Variants in ZDHHC17 observed in about 807,000 individuals in gnomAD.
ZDHHC17 encodes the protein palmitoyltransferase ZDHHC17.
In ZDHHC17, 40 loss-of-function variants were observed where a neutral mutation model predicts 90.3. That is an observed-to-expected ratio of 0.44 (90% CI 0.34 to 0.58). The LOEUF is 0.58. Among genes scored for constraint, ZDHHC17 ranks in the 20% least tolerant of loss-of-function variants. The pLI, the probability that ZDHHC17 is intolerant of heterozygous loss-of-function variation, is 0.01. For synonymous variants in ZDHHC17, 235 were observed against 252.4 expected (o/e 0.93, Z 0.65); for missense variants, 614 against 780.8 (o/e 0.79, Z 2.55).
chr12:76,786,443 A>G (rs2137730455), intron 1 of ZDHHC17, among the ~76,000 whole-genome samples: 1 of 152,184 alleles, frequency 6.6e-6, no homozygotes, highest in East Asian at 1.9e-4. Context: ...TTTAGTAGAG[A>G]TGGGGTTTTA....
intron 2 of ZDHHC17, among the ~76,000 whole-genome samples, chr12:76,798,454 T>TA (rs1016089174): frequency 1.3e-5 from 2 of 152,040 alleles, no homozygotes; most frequent in African/African-American, 4.8e-5. Flanking sequence ...TTCATGCCTG[T>TA]AATCCTAAAA....
intron 2 of ZDHHC17, among the ~76,000 whole-genome samples, chr12:76,801,317 A>G (rs1296347589): frequency 2.7e-5 from 4 of 150,366 alleles, no homozygotes; most frequent in South Asian, 2.1e-4. Flanking sequence ...TGTATGTCCT[A>G]TAGCTACTTT....
At chr12:76,804,183 A>G (rs951150043) in intron 2 of ZDHHC17, among the ~76,000 whole-genome samples, 4 of 152,206 alleles carry the variant, frequency 2.6e-5, no homozygotes, top group Non-Finnish European at 4.4e-5. Flanking sequence ...CAGTCCTTAC[A>G]TCTCTCATAA....
In ZDHHC17 at chr12:76,828,400, G is replaced by T; in HGVS notation, c.1051G>T (p.Asp351Tyr). The T allele has an allele frequency of 6.3e-7, 1 of 1,591,332 alleles. No homozygotes were observed. Among genetic ancestry groups the T allele is most frequent in the Non-Finnish European group, 8.5e-7 (1 of 1,171,240 alleles). Residue 351 changes from aspartate (D) to tyrosine (Y), a missense_variant, in exon 10 of 17, where the codon GAT becomes TAT. Asp to Tyr is a radical substitution (Grantham distance 160). Around this residue, in one of 5 missense-constraint regions of ZDHHC17, gnomAD observed 117 missense variants for 183.6 expected, o/e 0.64. Transcript: ENST00000426126. Reference protein sequence around the residue: ...TVQFLSKSFFDHSMHSALPLG... With the variant: ...TVQFLSKSFFYHSMHSALPLG... ...ACTTGTGTTTTACAGATCCTTTTTCGATCATTCAATGCATAGTGCATTGCC... is the reference window on the plus strand; with the variant it reads ...ACTTGTGTTTTACAGATCCTTTTTCTATCATTCAATGCATAGTGCATTGCC...
rs752481941 is a variant in ZDHHC17 at position 76,848,360 on chromosome 12, GGCT to G, written c.1637_1639del (p.Ala546del). On this transcript the variant is annotated inframe_deletion, in exon 15 of 17. Transcript: ENST00000426126. The stretch of plus-strand genomic sequence containing the variant: ...ACAGTGTTTTCCACTTCATGTGGGT[GGCT>G]GTATTACTCATGTGTCAGATGTACC... The G allele has an allele frequency of 1.2e-6, 2 of 1,613,742 alleles. No individual in the cohort carries two copies. The highest frequency in any genetic ancestry group is 1.7e-6 in the Non-Finnish European group (2 of 1,179,838).
At chr12:76,836,406 G>GT (rs1353108981) in intron 10 of ZDHHC17, among the ~76,000 whole-genome samples, 1 of 151,184 alleles carries the variant, frequency 6.6e-6, no homozygotes, top group Non-Finnish European at 1.5e-5. Context: ...ATTCTCTCTT[G>GT]TTTTTTTAAA....
rs900656896 is a variant in ZDHHC17, at chr12:76,852,137, C to T, written c.*1152C>T. Reference sequence around the variant, plus strand: ...AATTTTCTTTTTGTTAAATGTGATGCACTGATCAATTTTTGTCACAGCATT... The same window carrying T: ...AATTTTCTTTTTGTTAAATGTGATGTACTGATCAATTTTTGTCACAGCATT... On this transcript the variant is annotated 3_prime_UTR_variant, in exon 17 of 17. Transcript: ENST00000426126. 10 of 152,592 alleles carry T rather than the reference C, an allele frequency of 6.6e-5. No individual in the cohort carries two copies. The highest frequency in any genetic ancestry group is 2.4e-4 in the African/African-American group (10 of 41,434). 9.5% of individuals were successfully genotyped at this position (152,592 alleles called of 1,614,324 possible).
chr12:76,848,620 CTT>C (rs1953523583), intron 15 of ZDHHC17, among the ~76,000 whole-genome samples: 2 of 152,236 alleles, frequency 1.3e-5, no homozygotes, highest in Admixed American at 1.3e-4. Context: ...TTATTCCTGA[CTT>C]AAATACATCC....
chr12:76,790,701 G>T (rs193246158), intron 1 of ZDHHC17, among the ~76,000 whole-genome samples: 4 of 152,274 alleles, frequency 2.6e-5, no homozygotes, highest in African/African-American at 9.6e-5. Flanking sequence ...GTTTTGTTCA[G>T]TCTTTCCTGA....
chr12:76,817,748 A>G (rs1008020719), intron 7 of ZDHHC17, among the ~76,000 whole-genome samples: 1 of 152,080 alleles, frequency 6.6e-6, no homozygotes. Context: ...ACTCTTAGTA[A>G]AAGGAATAAT....
chr12:76,844,256 T>C (rs575114784), intron 12 of ZDHHC17: 2 of 152,274 alleles, frequency 1.3e-5, no homozygotes, highest in South Asian at 4.1e-4. Context: ...TGTTTTATTA[T>C]ATATTATTTA....
intron 10 of ZDHHC17, chr12:76,840,323 G>A (rs897129264): frequency 6.7e-6 from 1 of 149,608 alleles, no homozygotes; most frequent in Non-Finnish European, 1.5e-5. Context: ...TTCATAGAGT[G>A]TGCCTATTTC....
intron 1 of ZDHHC17, among the ~76,000 whole-genome samples, chr12:76,767,846 G>C (rs933167248): frequency 2.0e-5 from 3 of 152,110 alleles, no homozygotes; most frequent in African/African-American, 7.2e-5. Context: ...TTGAACCCGG[G>C]AGGTGGAGGT....
intron 2 of ZDHHC17, among the ~76,000 whole-genome samples, chr12:76,801,691 T>C (rs140522478): frequency 3.0e-3 from 454 of 152,228 alleles, no homozygotes; most frequent in Admixed American, 4.6e-3. Context: ...ATAACACTAA[T>C]TTGAATTTAT....
At chr12:76,796,956 A>G (rs1042639211) in intron 1 of ZDHHC17, among the ~76,000 whole-genome samples, 5 of 149,570 alleles carry the variant, frequency 3.3e-5, no homozygotes, top group Non-Finnish European at 6.0e-5. Context: ...TCTTTGAACA[A>G]GCTTTTTCCC....
intron 5 of ZDHHC17, among the ~76,000 whole-genome samples, chr12:76,813,092 ATATTTT>A (rs1157668963): frequency 2.6e-5 from 4 of 152,068 alleles, no homozygotes; most frequent in Admixed American, 2.6e-4. Flanking sequence ...TTATTTATTG[ATATTTT>A]TAATACTATC....
In ZDHHC17 at chr12:76,785,090, A is replaced by G. The variant is rs867553516; in HGVS notation, c.94-12344A>G. ...AACAAGGACAGTTTTGTGAGTTTCA[A>G]TGGGAAATCATTAGACTTCCACCTT... On this transcript the variant is annotated intron_variant, in intron 1 of 16. Coordinates refer to ENST00000426126, the MANE Select transcript of ZDHHC17 (RefSeq NM_015336.4). Among the ~76,000 whole-genome samples, 5 of 152,330 alleles carry G rather than the reference A, an allele frequency of 3.3e-5. No homozygotes were observed. In the South Asian group the frequency reaches 6.2e-4, roughly 19 times the overall value.
rs575543061 is a variant in ZDHHC17, at chr12:76,764,622, G to A, written c.93+293G>A. The A allele has an allele frequency of 5.1e-3, 2,728 of 535,740 alleles. 17 individuals are homozygous for A. Among genetic ancestry groups the A allele is most frequent in the Middle Eastern group, 9.9e-3 (21 of 2,124 alleles). The allele number at this position is 535,740 out of a possible 1,614,324, so 33.2% of individuals were successfully genotyped here. A position where few individuals can be genotyped will look rare whatever the true frequency, so the allele number is the denominator to read the frequency against. ...TCGCCGCGCTGCGTTTGAGAGCAGA[G>A]GCGGAGGGGCCTGGTGTGGTTTTTG... On this transcript the variant is annotated intron_variant, in intron 1 of 16. Coordinates refer to ENST00000426126, the MANE Select transcript of ZDHHC17 (RefSeq NM_015336.4).
At chr12:76,824,883 A>G in intron 8 of ZDHHC17, among the ~76,000 whole-genome samples, 1 of 151,206 alleles carries the variant, frequency 6.6e-6, no homozygotes, top group Admixed American at 6.6e-5. Flanking sequence ...TTTAGAAAAC[A>G]ATTTAAAAAA....
Sources: allele counts gnomAD v4.1 joint callset (sites outside exome capture counted in the v4.1 genomes callset), GRCh38; gene constraint gnomAD v4.1.1; regional missense constraint gnomAD v4.1.1; transcripts MANE v1.5; gene names NCBI Gene and HGNC (gene_info 2026-07-23, HGNC 2026-07-21).